Variants in TXNRD1 observed in about 807,000 individuals in gnomAD.
TXNRD1 encodes thioredoxin reductase 1, cytoplasmic.
In TXNRD1, 57 loss-of-function variants were observed where a neutral mutation model predicts 80.3. That is an observed-to-expected ratio of 0.71 (90% CI 0.57 to 0.89). The LOEUF (loss-of-function observed/expected upper bound fraction) is 0.89. TXNRD1 is among the 40% of genes least tolerant of loss of function. The probability of loss-of-function intolerance (pLI) is 0.00; values close to 1 mark genes in which losing one functional copy is unlikely to be tolerated. For synonymous variants in TXNRD1, 291 were observed against 285.2 expected, an observed-to-expected ratio of 1.02 and a Z score of -0.20; for missense variants, 730 against 803.0, an observed-to-expected ratio of 0.91 and a Z score of 1.10.
chr12:104,343,779 C>T (rs1416837569), intron 16 of TXNRD1, among the ~76,000 whole-genome samples: 1 of 138,514 alleles, frequency 7.2e-6, no homozygotes, highest in Admixed American at 7.1e-5. Context: ...CCAGCCTGGG[C>T]GACAGTGAGA....
intron 3 of TXNRD1, among the ~76,000 whole-genome samples, chr12:104,283,365 C>T (rs768449723): frequency 6.6e-6 from 1 of 152,070 alleles, no homozygotes; most frequent in African/African-American, 2.4e-5. Flanking sequence ...GATTCTCCTG[C>T]CTCAACCTCC....
intron 1 of TXNRD1, 109 bp downstream of exon 1, chr12:104,216,002 TG>T: frequency 6.5e-6 from 6 of 929,614 alleles, no homozygotes; most frequent in Non-Finnish European, 9.7e-6. Flanking sequence ...AGCCCCTCAC[TG>T]GAGTCAGTGA....
intron 4 of TXNRD1, among the ~76,000 whole-genome samples, chr12:104,289,825 T>C (rs2034116733): frequency 6.6e-6 from 1 of 151,938 alleles, no homozygotes. Context: ...CTCCACCTCC[T>C]GGGTTCAAGC....
At chr12:104,236,083 T>G (rs1308969722) in intron 1 of TXNRD1, among the ~76,000 whole-genome samples, 2 of 152,192 alleles carry the variant, frequency 1.3e-5, no homozygotes, top group African/African-American at 4.8e-5. Context: ...GTTTCTAATC[T>G]TGTGGCTAGT....
Position 104,345,930 on chromosome 12 carries a change from C to T in TXNRD1, c.1882-2423C>T, listed in dbSNP as rs1030258158. 23 of 1,284,300 alleles carry T rather than the reference C, an allele frequency of 1.8e-5. No homozygotes were observed. In the African/African-American group the frequency reaches 2.7e-4, roughly 15 times the overall value. 79.6% of individuals were successfully genotyped at this position (1,284,300 alleles called of 1,614,324 possible). ...TGGGATGGAAGGGCATGGAGGCTGC[C>T]CCTTCTGCTCATTTTTTAAAAATAC... On this transcript the variant is annotated intron_variant, in intron 16 of 16. Coordinates refer to ENST00000525566, the MANE Select transcript of TXNRD1 (RefSeq NM_001093771.3).
At chr12:104,293,617 A>T (rs2034307346) in intron 4 of TXNRD1, among the ~76,000 whole-genome samples, 1 of 151,864 alleles carries the variant, frequency 6.6e-6, no homozygotes, top group East Asian at 1.9e-4. Context: ...CACCCAGCTT[A>T]TTTTTGTATT....
In TXNRD1 at chr12:104,350,301, T is replaced by TA. The variant is rs1390243028; in HGVS notation, c.*1881dup. 17 of 152,244 alleles carry TA rather than the reference T, an allele frequency of 1.1e-4. No homozygotes were observed. The highest frequency in any genetic ancestry group is 4.1e-4 in the African/African-American group (17 of 41,470). The allele number at this position is 152,244 out of a possible 1,614,324, so 9.4% of individuals were successfully genotyped here. On this transcript the variant is annotated 3_prime_UTR_variant, in exon 17 of 17. Coordinates refer to ENST00000525566, the MANE Select transcript of TXNRD1 (RefSeq NM_001093771.3). ...TTAATAATATCCACGTGTGCCTTCT[T>TA]ACTGAATGATGGTCTTGGGAGTCTT...
Position 104,260,328 on chromosome 12 carries a change from A to T in TXNRD1, c.304+2249A>T, listed in dbSNP as rs182011489. Among the ~76,000 whole-genome samples the T allele has an allele frequency of 1.5e-3, 221 of 152,170 alleles. 3 individuals are homozygous for T. The highest frequency in any genetic ancestry group is 8.5e-3 in the Admixed American group (130 of 15,270). ...ACTAAAAATACAAAATTAGCCGGGCATGGTGGCTCATGCCTGTAATCCCAG... is the reference window on the plus strand; with the variant it reads ...ACTAAAAATACAAAATTAGCCGGGCTTGGTGGCTCATGCCTGTAATCCCAG... On this transcript the variant is annotated intron_variant, in intron 3 of 16. Transcript: ENST00000525566.
chr12:104,307,999 CTTTT>C (rs11300166), intron 4 of TXNRD1, among the ~76,000 whole-genome samples: 2 of 143,282 alleles, frequency 1.4e-5, no homozygotes, highest in Admixed American at 7.0e-5. Context: ...CCTTTTCTTT[CTTTT>C]TTTTTTTTTT....
chr12:104,308,344 A>G (rs995283553), intron 4 of TXNRD1, among the ~76,000 whole-genome samples: 6 of 152,160 alleles, frequency 3.9e-5, no homozygotes, highest in African/African-American at 1.4e-4. Context: ...AGTTTTCCAG[A>G]GGTTATATGA....
intron 3 of TXNRD1, among the ~76,000 whole-genome samples, chr12:104,267,719 TTC>T (rs769724608): frequency 1.7e-3 from 71 of 41,696 alleles, no homozygotes; most frequent in South Asian, 4.1e-3. Context: ...CTTTCTTTCT[TTC>T]TCTTTCTTTC....
In TXNRD1 at chr12:104,290,845, A is replaced by T. The variant is rs1281187880; in HGVS notation, c.414+1805A>T. On this transcript the variant is annotated intron_variant, in intron 4 of 16. Coordinates refer to ENST00000525566, the MANE Select transcript of TXNRD1 (RefSeq NM_001093771.3). ...AAAGTTATATAGTAATTTGATCTTT[A>T]TGTAATTCTACTGATACTCCTGGTT... is the stretch of plus-strand genomic sequence containing the variant. 22 of 447,338 alleles carry T rather than the reference A, an allele frequency of 4.9e-5. No homozygotes were observed. In the South Asian group the frequency reaches 6.9e-4, roughly 14 times the overall value. 27.7% of individuals were successfully genotyped at this position (447,338 alleles called of 1,614,324 possible). A position where few individuals can be genotyped will look rare whatever the true frequency, so the allele number is the denominator to read the frequency against.
chr12:104,321,833 C>T (rs537075964), intron 10 of TXNRD1, among the ~76,000 whole-genome samples: 1 of 152,172 alleles, frequency 6.6e-6, no homozygotes, highest in Non-Finnish European at 1.5e-5. Context: ...GGAGCTAATA[C>T]TATGCCAAGT....
At chr12:104,300,372 T>C (rs2034581891) in intron 4 of TXNRD1, among the ~76,000 whole-genome samples, 1 of 152,224 alleles carries the variant, frequency 6.6e-6, no homozygotes, top group South Asian at 2.1e-4. Flanking sequence ...CTCAGTCTCA[T>C]GGTTGCCTGA....
chr12:104,272,297 T>A (rs1194338355), intron 3 of TXNRD1, among the ~76,000 whole-genome samples: 3 of 152,126 alleles, frequency 2.0e-5, no homozygotes, highest in East Asian at 1.9e-4. Flanking sequence ...TCGCAAAGGC[T>A]AAACATTCCA....
rs971182690 is a variant in TXNRD1 at position 104,322,672 on chromosome 12, G to A, written c.1215+1356G>A. ...TGAGATTACAGGCCTGAGCCACTGCGCCTGGCCTGTAGCTGTTTTTTAGAG... is the reference window on the plus strand; with the variant it reads ...TGAGATTACAGGCCTGAGCCACTGCACCTGGCCTGTAGCTGTTTTTTAGAG... On this transcript the variant is annotated intron_variant, in intron 10 of 16. Coordinates refer to ENST00000525566, the MANE Select transcript of TXNRD1 (RefSeq NM_001093771.3). Among the ~76,000 whole-genome samples the A allele has an allele frequency of 4.6e-5, 7 of 152,052 alleles. 1 individual carries two copies. The highest frequency in any genetic ancestry group is 1.2e-4 in the African/African-American group (5 of 41,390).
intron 1 of TXNRD1, among the ~76,000 whole-genome samples, chr12:104,232,094 T>C (rs1187842196): frequency 6.6e-6 from 1 of 152,226 alleles, no homozygotes; most frequent in Non-Finnish European, 1.5e-5. Context: ...GAATGGTTAT[T>C]TCTGCATAGG....
intron 4 of TXNRD1, among the ~76,000 whole-genome samples, chr12:104,309,061 C>T (rs999958121): frequency 6.6e-5 from 10 of 152,106 alleles, no homozygotes; most frequent in African/African-American, 2.4e-4. Flanking sequence ...CCACGCCCGG[C>T]TAATTTTTTT....
intron 3 of TXNRD1, among the ~76,000 whole-genome samples, chr12:104,273,851 A>G (rs1255095233): frequency 6.6e-6 from 1 of 152,104 alleles, no homozygotes. Flanking sequence ...GGAGATCCAG[A>G]CCATCCTGGC....
Sources: gnomAD v4.1 joint callset for allele counts (sites outside exome capture counted in the v4.1 genomes callset) on GRCh38, gnomAD v4.1.1 for gene constraint, MANE v1.5 for transcripts, NCBI Gene and HGNC (gene_info 2026-07-23, HGNC 2026-07-21) for gene names.